Variants in TRHR observed in about 807,000 individuals in gnomAD.
The protein encoded by TRHR is thyrotropin-releasing hormone receptor.
Under a neutral mutation model 28.0 loss-of-function variants are expected in TRHR, and 14 were observed. That is an observed-to-expected ratio of 0.50 (90% CI 0.33 to 0.78). The LOEUF (loss-of-function observed/expected upper bound fraction) is 0.78, where lower values mean the gene tolerates loss of function less well. TRHR is among the 30% of genes least tolerant of loss of function. TRHR has a pLI of 0.02. For synonymous variants in TRHR, 176 were observed against 171.9 expected (o/e 1.02, Z -0.18); for missense variants, 438 against 469.5 (o/e 0.93, Z 0.62).
chr8:109,104,019 T>C (rs1430363131), intron 2 of TRHR, among the ~76,000 whole-genome samples: 2 of 152,156 alleles, frequency 1.3e-5, no homozygotes, highest in Non-Finnish European at 2.9e-5. Flanking sequence ...TGAATTATCA[T>C]CTCAAATAAT....
At chr8:109,102,392 T>C (rs1037424047) in intron 2 of TRHR, among the ~76,000 whole-genome samples, 37 of 152,154 alleles carry the variant, frequency 2.4e-4, no homozygotes, top group African/African-American at 8.9e-4. Flanking sequence ...AGGATAGGGC[T>C]CATCCTTCTT....
Position 109,095,397 on chromosome 8 carries a change from G to A in TRHR, c.789+7096G>A, listed in dbSNP as rs544216566. Among the ~76,000 whole-genome samples, 3 of 152,214 alleles carry A rather than the reference G, an allele frequency of 2.0e-5. No homozygotes were observed. In the South Asian group the frequency reaches 6.2e-4, roughly 32 times the overall value. ...GCTATAAAGTCAGAGAAAAAAGAAGGAAAGTTCAACAGAAAGGGGGAAGTA... is the reference window on the plus strand; with the variant it reads ...GCTATAAAGTCAGAGAAAAAAGAAGAAAAGTTCAACAGAAAGGGGGAAGTA... On this transcript the variant is annotated intron_variant, in intron 2 of 2. Transcript: ENST00000518632.
chr8:109,094,675 T>A (rs887379795), intron 2 of TRHR, among the ~76,000 whole-genome samples: 1 of 151,844 alleles, frequency 6.6e-6, no homozygotes, highest in Non-Finnish European at 1.5e-5. Flanking sequence ...TTTAGATAAG[T>A]ACACATTGTT....
At position 109,110,117 on chromosome 8, in the gene TRHR, T is replaced by C. The variant is rs147407750; in HGVS notation, c.790-8931T>C. Among the ~76,000 whole-genome samples, 1,214 of 152,270 alleles carry C rather than the reference T, an allele frequency of 8.0e-3. 18 individuals are homozygous for C. The highest frequency in any genetic ancestry group is 0.027 in the African/African-American group (1,128 of 41,556). ...ATATAGTTTCCTGTCCCCTCAAATG[T>C]CTTGCTCATAAAAGAACCCCACCTA... On this transcript the variant is annotated intron_variant, in intron 2 of 2. Coordinates refer to ENST00000518632, the MANE Select transcript of TRHR (RefSeq NM_003301.7).
chr8:109,115,073 C>T lies in TRHR; in HGVS notation c.790-3975C>T, dbSNP rs186172668. ...TAGGGCAGAGGCTGACGTAAAGAAG[C>T]TGTCTTTCATATCACCATACACCCT... On this transcript the variant is annotated intron_variant, in intron 2 of 2. Coordinates refer to ENST00000518632, the MANE Select transcript of TRHR (RefSeq NM_003301.7). Among the ~76,000 whole-genome samples, 4 of 152,190 alleles carry T rather than the reference C, an allele frequency of 2.6e-5. No individual in the cohort carries two copies. The East Asian group carries it at 7.8e-4, about 30-fold the overall frequency.
At chr8:109,102,371 C>A (rs917799604) in intron 2 of TRHR, among the ~76,000 whole-genome samples, 4 of 152,034 alleles carry the variant, frequency 2.6e-5, no homozygotes, top group Admixed American at 6.6e-5. Flanking sequence ...CCTGAGGAGG[C>A]AAGAAGGAAT....
chr8:109,099,412 C>T (rs945672545), intron 2 of TRHR, among the ~76,000 whole-genome samples: 17 of 152,090 alleles, frequency 1.1e-4, no homozygotes, highest in South Asian at 6.2e-4. Flanking sequence ...GCCAAAGACA[C>T]GTTTTAGTGG....
chr8:109,115,295 T>C (rs200596784), intron 2 of TRHR, among the ~76,000 whole-genome samples: 2 of 152,102 alleles, frequency 1.3e-5, no homozygotes, highest in Non-Finnish European at 1.5e-5. Context: ...CTTGGCAATG[T>C]GGGCTCTTTT....
chr8:109,099,652 C>T (rs921934254), intron 2 of TRHR, among the ~76,000 whole-genome samples: 4 of 152,104 alleles, frequency 2.6e-5, no homozygotes, highest in African/African-American at 9.7e-5. Flanking sequence ...CATACATATG[C>T]ACATGGATTA....
intron 2 of TRHR, among the ~76,000 whole-genome samples, chr8:109,109,912 T>C (rs1328744016): frequency 2.6e-5 from 4 of 152,200 alleles, no homozygotes; most frequent in Non-Finnish European, 4.4e-5. Context: ...CCTTCACACG[T>C]ACATTTGGTG....
chr8:109,108,066 T>G (rs1038750637), intron 2 of TRHR, among the ~76,000 whole-genome samples: 4 of 152,104 alleles, frequency 2.6e-5, no homozygotes, highest in African/African-American at 7.2e-5. Context: ...GCTCCGTAAC[T>G]CCAGGCCTGA....
At chr8:109,092,306 A>G (rs1387611833) in intron 2 of TRHR, among the ~76,000 whole-genome samples, 1 of 152,046 alleles carries the variant, frequency 6.6e-6, no homozygotes, top group Non-Finnish European at 1.5e-5. Flanking sequence ...CACTTGACTC[A>G]TCAAGCCTTA....
rs555242831 is a variant in TRHR, at chr8:109,102,674, G to A, written c.789+14373G>A. Among the ~76,000 whole-genome samples, 68 of 152,104 alleles carry A rather than the reference G, an allele frequency of 4.5e-4. No homozygotes were observed. The South Asian group carries it at 0.014, about 31-fold the overall frequency. On this transcript the variant is annotated intron_variant, in intron 2 of 2. Transcript: ENST00000518632. ...TGGAAAGTCATTGATTGAGAATGAGGGTAATGGCAAGGAGAAAAGGCATGG... is the reference window on the plus strand; with the variant it reads ...TGGAAAGTCATTGATTGAGAATGAGAGTAATGGCAAGGAGAAAAGGCATGG...
rs367681378 is a variant in TRHR at position 109,087,526 on chromosome 8, C to G, written c.14C>G (p.Thr5Arg). 1 of 1,614,186 alleles carries G rather than the reference C, an allele frequency of 6.2e-7. No individual in the cohort carries two copies. Among genetic ancestry groups the G allele is most frequent in the South Asian group, 1.1e-5 (1 of 91,090 alleles). MENE[T>R]VSELNQTQLQ... ...AAGCTTCTAAAGATGGAAAACGAGACAGTCAGTGAACTGAACCAAACACAG... is the reference window on the plus strand; with the variant it reads ...AAGCTTCTAAAGATGGAAAACGAGAGAGTCAGTGAACTGAACCAAACACAG... Residue 5 changes from threonine (T) to arginine (R), a missense_variant, in exon 2 of 3, where the codon ACA becomes AGA. Physicochemically the swap from Thr to Arg is moderately conservative, Grantham distance 71. Coordinates refer to ENST00000518632, the MANE Select transcript of TRHR (RefSeq NM_003301.7).
At chr8:109,117,386 C>T (rs1213054971) in intron 2 of TRHR, among the ~76,000 whole-genome samples, 2 of 151,808 alleles carry the variant, frequency 1.3e-5, no homozygotes, top group Non-Finnish European at 2.9e-5. Context: ...CTAGCTTACT[C>T]ATGGAATTAC....
At chr8:109,110,244 G>T (rs1243351517) in intron 2 of TRHR, among the ~76,000 whole-genome samples, 3 of 152,062 alleles carry the variant, frequency 2.0e-5, no homozygotes, top group Non-Finnish European at 2.9e-5. Context: ...TCCTGTCTGG[G>T]TACAGTGACT....
intron 2 of TRHR, among the ~76,000 whole-genome samples, chr8:109,089,923 C>A (rs1811496682): frequency 6.6e-6 from 1 of 152,188 alleles, no homozygotes; most frequent in African/African-American, 2.4e-5. Context: ...AATGTCCTTT[C>A]TTTCCATTAC....
Position 109,120,272 on chromosome 8 carries a change from C to G in TRHR, c.*817C>G, listed in dbSNP as rs1437431751. On this transcript the variant is annotated 3_prime_UTR_variant, in exon 3 of 3. Transcript: ENST00000518632. ...TTAAATTTGAAAAGTATAGTCAAGA[C>G]AAAGCAAGTATTTATAATTAGATTT... Among the ~76,000 whole-genome samples the G allele has an allele frequency of 6.6e-6, 1 of 151,860 alleles. No homozygotes were observed. Among genetic ancestry groups the G allele is most frequent in the Non-Finnish European group, 1.5e-5 (1 of 67,890 alleles).
intron 2 of TRHR, among the ~76,000 whole-genome samples, chr8:109,091,705 A>G (rs375028563): frequency 5.9e-5 from 9 of 152,304 alleles, no homozygotes; most frequent in South Asian, 2.1e-4. Flanking sequence ...CCAGGCCAAA[A>G]TCTTTGTTTT....
Sources: allele counts gnomAD v4.1 joint callset (sites outside exome capture counted in the v4.1 genomes callset), GRCh38; gene constraint gnomAD v4.1.1; transcripts MANE v1.5; gene names NCBI Gene and HGNC (gene_info 2026-07-23, HGNC 2026-07-21).